NOS1: variants seen among roughly 807,000 people sequenced by gnomAD.
The protein encoded by NOS1 is NOS type I.
In NOS1, 51 loss-of-function variants were observed where a neutral mutation model predicts 164.5. That is an observed-to-expected ratio of 0.31 (90% CI 0.25 to 0.39). The LOEUF is 0.39. NOS1 is among the 10% of genes least tolerant of loss of function. The pLI is 1.00. For synonymous variants in NOS1, 719 were observed against 745.8 expected, an observed-to-expected ratio of 0.96 and a Z score of 0.59; for missense variants, 1,362 against 1,885.6, an observed-to-expected ratio of 0.72 and a Z score of 5.14.
chr12:117,293,858 T>C (rs553405570), intron 3 of NOS1, among the ~76,000 whole-genome samples: 66 of 152,272 alleles, frequency 4.3e-4, no homozygotes, highest in African/African-American at 1.5e-3. Context: ...CCTGTCTAAG[T>C]TATTGTGCCC....
At chr12:117,227,786 G>C (rs941037984) in intron 22 of NOS1, 145 bp from the exon 23 acceptor site, 3 of 763,190 alleles carry the variant, frequency 3.9e-6, no homozygotes, top group East Asian at 2.7e-5. Context: ...CAGTGCTTTG[G>C]GGGGCCGGGG....
Position 117,325,505 on chromosome 12 carries a change from G to A in NOS1, c.725+4840C>T, listed in dbSNP as rs1019457434. Among the ~76,000 whole-genome samples the A allele has an allele frequency of 1.2e-4, 19 of 152,230 alleles. No homozygotes were observed. In the East Asian group the frequency reaches 2.1e-3, roughly 17 times the overall value. On this transcript the variant is annotated intron_variant, in intron 2 of 28. Transcript: ENST00000317775. ...TTAGGGGTGGTGGTCCTCCTGCAACGCCAGGAACATGAAGGAAGAGAGTCT... is the reference window on the plus strand; with the variant it reads ...TTAGGGGTGGTGGTCCTCCTGCAACACCAGGAACATGAAGGAAGAGAGTCT...
At position 117,331,261 on chromosome 12, in the gene NOS1, G is replaced by A. The variant is rs1163233845; in HGVS notation, c.-192C>T. The A allele has an allele frequency of 9.5e-6, 6 of 632,286 alleles. No individual in the cohort carries two copies. In the Admixed American group the frequency reaches 1.5e-4, roughly 16 times the overall value. 39.2% of individuals were successfully genotyped at this position (632,286 alleles called of 1,614,324 possible). A position where few individuals can be genotyped will look rare whatever the true frequency, so the allele number is the denominator to read the frequency against. On this transcript the variant is annotated 5_prime_UTR_variant, in exon 2 of 29. Transcript: ENST00000317775. ...ACCCACTCATGGCTGGTGGCCCGTC[G>A]GTGGCATGATTTCCTGCATCCGCCT...
In NOS1 at chr12:117,297,338, T is replaced by C. The variant is rs151283456; in HGVS notation, c.853-6912A>G. Among the ~76,000 whole-genome samples the C allele has an allele frequency of 2.9e-3, 437 of 152,204 alleles. 1 individual carries two copies. The highest frequency in any genetic ancestry group is 0.024 in the Middle Eastern group (7 of 294). ...GGAAGTGGAACTGAGAGTCTCTGGG[T>C]AGGAGAGGATCGGGGCAAAGGATAA... On this transcript the variant is annotated intron_variant, in intron 3 of 28. Coordinates refer to ENST00000317775, the MANE Select transcript of NOS1 (RefSeq NM_000620.5).
chr12:117,330,791 C>T lies in NOS1; in HGVS notation c.279G>A (p.Val93=), dbSNP rs1158548899. ...CTTCAGGGCCCCTCAGAATGAGGACCACGTGGGTCTCAGAGGCAATGCCTC... is the reference window on the plus strand; with the variant it reads ...CTTCAGGGCCCCTCAGAATGAGGACTACGTGGGTCTCAGAGGCAATGCCTC... ...VLRGIASETH[V]VLILRGPEGF... Residue 93 remains valine (V), a synonymous_variant, in exon 2 of 29, where the codon GTG becomes GTA. Transcript: ENST00000317775. The surrounding 1 kb of genome is among the most constrained non-coding windows in gnomAD (Gnocchi z 4.6). 5 of 1,613,966 alleles carry T rather than the reference C, an allele frequency of 3.1e-6. No individual in the cohort carries two copies. The highest frequency in any genetic ancestry group is 1.3e-5 in the African/African-American group (1 of 74,920).
At chr12:117,280,898 A>G in intron 7 of NOS1, 32 bp from the exon 8 acceptor site, 1 of 1,609,002 alleles carries the variant, frequency 6.2e-7, no homozygotes, top group South Asian at 1.1e-5. Flanking sequence ...ACCCGGCATC[A>G]GGGCGGGACT....
intron 1 of NOS1, among the ~76,000 whole-genome samples, chr12:117,337,115 T>A (rs1352492024): frequency 1.2e-4 from 12 of 104,142 alleles, no homozygotes; most frequent in South Asian, 4.5e-4. Context: ...TCTTTTTTTT[T>A]TTTTTTTTTT....
At chr12:117,221,328 T>A (rs1956702072) in intron 26 of NOS1, among the ~76,000 whole-genome samples, 1 of 151,176 alleles carries the variant, frequency 6.6e-6, no homozygotes, top group Non-Finnish European at 1.5e-5. Context: ...CTTTTTTTTT[T>A]AGTAGAGATG....
At chr12:117,282,623 T>G (rs1873766407) in intron 7 of NOS1, among the ~76,000 whole-genome samples, 1 of 152,134 alleles carries the variant, frequency 6.6e-6, no homozygotes, top group Non-Finnish European at 1.5e-5. Flanking sequence ...GGGTGATGCA[T>G]CACAGCTGAG....
Position 117,213,778 on chromosome 12 carries a change from G to C in NOS1, c.*1531C>G. 1 of 985,412 alleles carries C rather than the reference G, an allele frequency of 1.0e-6. No homozygotes were observed. The highest frequency in any genetic ancestry group is 1.7e-5 in the African/African-American group (1 of 57,360). The allele number at this position is 985,412 out of a possible 1,614,324, so 61.0% of individuals were successfully genotyped here. ...CATCCTTGGGGACCCTGCAGTCTGG[G>C]AGGCCACTAGGATTTCTTGTCTCTT... is the stretch of plus-strand genomic sequence containing the variant. On this transcript the variant is annotated 3_prime_UTR_variant, in exon 29 of 29. Coordinates refer to ENST00000317775, the MANE Select transcript of NOS1 (RefSeq NM_000620.5).
chr12:117,303,001 C>G (rs1397878834), intron 3 of NOS1, among the ~76,000 whole-genome samples: 1 of 152,190 alleles, frequency 6.6e-6, no homozygotes, highest in Admixed American at 6.5e-5. Flanking sequence ...CCTCACTGGC[C>G]TCCCAAAGTG....
chr12:117,208,728 CTT>C lies in NOS1; in HGVS notation c.*6579_*6580del, dbSNP rs10644899. ...CATCCTCTGTTCTGGCATGGGAGGG[CTT>C]TTTTTTTTTTTTCCACAGGGTCTCA... is the stretch of plus-strand genomic sequence containing the variant. On this transcript the variant is annotated 3_prime_UTR_variant, in exon 29 of 29. Coordinates refer to ENST00000317775, the MANE Select transcript of NOS1 (RefSeq NM_000620.5). 427 of 920,140 alleles carry C rather than the reference CTT, an allele frequency of 4.6e-4. No individual in the cohort carries two copies. Among genetic ancestry groups the C allele is most frequent in the South Asian group, 1.5e-3 (33 of 21,548 alleles). The allele number at this position is 920,140 out of a possible 1,614,324, so 57.0% of individuals were successfully genotyped here. A position where few individuals can be genotyped will look rare whatever the true frequency, so the allele number is the denominator to read the frequency against.
intron 1 of NOS1, 137 bp from the exon 2 acceptor site, chr12:117,331,626 C>T (rs1356428631): frequency 6.6e-6 from 1 of 152,356 alleles, no homozygotes; most frequent in East Asian, 1.9e-4. Flanking sequence ...TCCAGAATTT[C>T]AAGCCAACCT....
chr12:117,241,048 G>A (rs918336190), intron 20 of NOS1, among the ~76,000 whole-genome samples: 2 of 150,170 alleles, frequency 1.3e-5, no homozygotes, highest in Admixed American at 6.7e-5. Flanking sequence ...CCAGCGATTC[G>A]CCTGCCTCAG....
At chr12:117,336,790 T>G (rs1052109192) in intron 1 of NOS1, among the ~76,000 whole-genome samples, 2 of 152,192 alleles carry the variant, frequency 1.3e-5, no homozygotes, top group Non-Finnish European at 2.9e-5. Context: ...TCCCCATTGC[T>G]TTTCACTCTT....
Position 117,209,789 on chromosome 12 carries a change from A to G in NOS1, c.*5520T>C, listed in dbSNP as rs1956500042. On this transcript the variant is annotated 3_prime_UTR_variant, in exon 29 of 29. Transcript: ENST00000317775. Reference sequence around the variant, plus strand: ...GCTTTTCTTTTGGGGCCCCTTTGCCACAAGGCAGGGACTGGCAGTGGGCCA... The same window carrying G: ...GCTTTTCTTTTGGGGCCCCTTTGCCGCAAGGCAGGGACTGGCAGTGGGCCA... The G allele has an allele frequency of 9.1e-6, 9 of 985,454 alleles. No individual in the cohort carries two copies. The highest frequency in any genetic ancestry group is 1.1e-5 in the Non-Finnish European group (9 of 829,964). The allele number at this position is 985,454 out of a possible 1,614,324, so 61.0% of individuals were successfully genotyped here.
chr12:117,352,894 G>A (rs1876689912), intron 1 of NOS1, among the ~76,000 whole-genome samples: 1 of 152,144 alleles, frequency 6.6e-6, no homozygotes, highest in African/African-American at 2.4e-5. Flanking sequence ...TTATGATAAA[G>A]TATTTAAACA....
At chr12:117,216,874 C>T (rs1315921965) in intron 28 of NOS1, among the ~76,000 whole-genome samples, 5 of 152,182 alleles carry the variant, frequency 3.3e-5, no homozygotes, top group South Asian at 4.2e-4. Flanking sequence ...GCTGTGTCAT[C>T]GTAAGGGGAA....
intron 12 of NOS1, 148 bp downstream of exon 12, chr12:117,265,168 C>T (rs1268984953): frequency 2.5e-5 from 14 of 551,218 alleles, no homozygotes; most frequent in Non-Finnish European, 3.8e-5. Context: ...CTTGTTCTTT[C>T]AGCTAGACCT....
Sources: gnomAD v4.1 joint callset for allele counts (sites outside exome capture counted in the v4.1 genomes callset) on GRCh38, gnomAD v4.1.1 for gene constraint, Gnocchi (gnomAD v3.1) non-coding constraint, MANE v1.5 for transcripts, NCBI Gene and HGNC (gene_info 2026-07-23, HGNC 2026-07-21) for gene names.